ROBO2: variants seen among roughly 807,000 people sequenced by gnomAD.
ROBO2 encodes roundabout homolog 2.
Under a neutral mutation model 160.8 loss-of-function variants are expected in ROBO2, and 53 were observed. That is an observed-to-expected ratio of 0.33 (90% CI 0.26 to 0.41). The LOEUF (loss-of-function observed/expected upper bound fraction) is 0.41. ROBO2 is among the 10% of genes least tolerant of loss of function. The probability of loss-of-function intolerance (pLI) is 1.00; values close to 1 mark genes in which losing one functional copy is unlikely to be tolerated. For missense variants in ROBO2, 1,577 were observed against 1,722.4 expected, an observed-to-expected ratio of 0.92 and a Z score of 1.49; for synonymous variants, 664 against 611.7, an observed-to-expected ratio of 1.09 and a Z score of -1.26.
chr3:75,935,917 T>A (rs1947758479), intron 1 of ROBO2, among the ~76,000 whole-genome samples: 2 of 152,182 alleles, frequency 1.3e-5, no homozygotes, highest in African/African-American at 4.8e-5. Context: ...GTGTAGCATT[T>A]CTCTAAGCCT....
chr3:76,007,975 G>A (rs1376112777), intron 2 of ROBO2, among the ~76,000 whole-genome samples: 1 of 152,048 alleles, frequency 6.6e-6, no homozygotes, highest in African/African-American at 2.4e-5. Flanking sequence ...TGGGCACGGT[G>A]CCTCACTCCT....
At chr3:75,942,500 T>G (rs1222065640) in intron 2 of ROBO2, among the ~76,000 whole-genome samples, 2 of 152,276 alleles carry the variant, frequency 1.3e-5, no homozygotes, top group East Asian at 1.9e-4. Context: ...ATGGAAAAAT[T>G]TAAATGAATT....
At chr3:77,198,725 A>G (rs1483399257) in intron 2 of ROBO2, among the ~76,000 whole-genome samples, 1 of 152,016 alleles carries the variant, frequency 6.6e-6, no homozygotes, top group African/African-American at 2.4e-5. Context: ...ATATGGTGAA[A>G]CCCTGTCTCT....
intron 2 of ROBO2, among the ~76,000 whole-genome samples, chr3:77,365,755 C>G (rs925385983): frequency 4.6e-5 from 7 of 151,830 alleles, no homozygotes; most frequent in Non-Finnish European, 1.0e-4. Context: ...GATAAGAGGA[C>G]CTCTCATGGT....
chr3:76,674,206 A>C (rs2106737881), intron 2 of ROBO2, among the ~76,000 whole-genome samples: 2 of 152,256 alleles, frequency 1.3e-5, no homozygotes, highest in Admixed American at 1.3e-4. Context: ...ATCCAAAACT[A>C]AATCCATTCC....
chr3:77,303,462 A>C (rs949425145), intron 2 of ROBO2, among the ~76,000 whole-genome samples: 1 of 152,204 alleles, frequency 6.6e-6, no homozygotes, highest in Non-Finnish European at 1.5e-5. Context: ...TTCTGTGTTC[A>C]TAACAGAGTG....
chr3:76,261,206 A>AAG (rs1440775745), intron 2 of ROBO2, among the ~76,000 whole-genome samples: 1 of 136,654 alleles, frequency 7.3e-6, no homozygotes, highest in Non-Finnish European at 1.7e-5. Context: ...GTGTGTGTAT[A>AAG]TATATATATA....
chr3:77,478,436 A>C (rs2084300755), intron 3 of ROBO2, among the ~76,000 whole-genome samples: 1 of 152,262 alleles, frequency 6.6e-6, no homozygotes, highest in South Asian at 2.1e-4. Context: ...AACTGTTTTC[A>C]AAGGAAATTT....
chr3:76,316,308 G>T (rs917909549), intron 2 of ROBO2, among the ~76,000 whole-genome samples: 1 of 152,080 alleles, frequency 6.6e-6, no homozygotes, highest in African/African-American at 2.4e-5. Flanking sequence ...CTGCAAGAGC[G>T]ACGATTTATA....
At chr3:77,520,434 A>C (rs2090473644) in intron 5 of ROBO2, among the ~76,000 whole-genome samples, 1 of 151,300 alleles carries the variant, frequency 6.6e-6, no homozygotes, top group African/African-American at 2.4e-5. Flanking sequence ...AGATACTATG[A>C]ACAATGTGTG....
chr3:77,169,268 T>A (rs1412634811), intron 2 of ROBO2, among the ~76,000 whole-genome samples: 1 of 152,236 alleles, frequency 6.6e-6, no homozygotes, highest in African/African-American at 2.4e-5. Flanking sequence ...GGATTATTTC[T>A]TAATATTTAT....
chr3:77,165,048 C>T (rs1461950140), intron 2 of ROBO2, among the ~76,000 whole-genome samples: 2 of 152,002 alleles, frequency 1.3e-5, no homozygotes, highest in Non-Finnish European at 2.9e-5. Context: ...GCCACCACCC[C>T]GTCTGGGAGG....
At chr3:76,832,448 T>TA (rs2067173098) in intron 2 of ROBO2, among the ~76,000 whole-genome samples, 1 of 151,828 alleles carries the variant, frequency 6.6e-6, no homozygotes. Context: ...TCCAAACACA[T>TA]AAAAAAACTG....
intron 2 of ROBO2, among the ~76,000 whole-genome samples, chr3:76,884,257 A>G (rs564540797): frequency 8.5e-5 from 13 of 152,334 alleles, no homozygotes; most frequent in African/African-American, 2.9e-4. Context: ...AATAACATCT[A>G]TTTTGAGAAG....
chr3:76,575,977 A>C (rs1461363984), intron 2 of ROBO2, among the ~76,000 whole-genome samples: 2 of 152,060 alleles, frequency 1.3e-5, no homozygotes, highest in Non-Finnish European at 2.9e-5. Context: ...ACAATACATT[A>C]AAATAAATTT....
chr3:76,398,785 A>G (rs1042195192), intron 2 of ROBO2, among the ~76,000 whole-genome samples: 16 of 151,868 alleles, frequency 1.1e-4, no homozygotes, highest in Non-Finnish European at 1.5e-5. Flanking sequence ...AGCATATGCT[A>G]TTAGTTTAGT....
rs915253629 is a variant in ROBO2 at position 76,979,375 on chromosome 3, C to T, written c.110-118639C>T. ...ATCCCTCAGCTCCCTTCCACCCTCC[C>T]ACTCTTCCAGGTCTCCAGTGTCTAT... On this transcript the variant is annotated intron_variant, in intron 2 of 26. Transcript: ENST00000487694. Among the ~76,000 whole-genome samples the T allele has an allele frequency of 2.0e-5, 3 of 152,224 alleles. No individual in the cohort carries two copies. In the East Asian group the frequency reaches 5.8e-4, roughly 29 times the overall value.
chr3:77,580,376 T>G (rs2093884497), intron 16 of ROBO2, among the ~76,000 whole-genome samples: 1 of 152,160 alleles, frequency 6.6e-6, no homozygotes, highest in African/African-American at 2.4e-5. Context: ...TTAAAATTAC[T>G]TTTAATCAAT....
At chr3:76,786,829 G>A (rs10049217) in intron 2 of ROBO2, among the ~76,000 whole-genome samples, 1,552 of 151,388 alleles carry the variant, frequency 0.01, 23 homozygotes, top group African/African-American at 0.035. Flanking sequence ...TAAATAATGA[G>A]TTGTAGAAAT....
Sources: allele counts gnomAD v4.1 joint callset (sites outside exome capture counted in the v4.1 genomes callset), GRCh38; gene constraint gnomAD v4.1.1; transcripts MANE v1.5; gene names NCBI Gene and HGNC (gene_info 2026-07-23, HGNC 2026-07-21).